The following FHIT variants were observed in gnomAD, a reference collection of about 807,000 sequenced individuals.
FHIT encodes bis(5'-adenosyl)-triphosphatase.
In FHIT, 19 loss-of-function variants were observed where a neutral mutation model predicts 17.9. The ratio of observed to expected loss-of-function variants is 1.06; its 90% confidence interval spans 0.74 to 1.56. The LOEUF (loss-of-function observed/expected upper bound fraction) is 1.56. Among genes scored for constraint, FHIT ranks in the 40% most tolerant of loss-of-function variants. The pLI is 0.00. For missense variants in FHIT, 248 were observed against 189.2 expected (o/e 1.31, Z -1.82); for synonymous variants, 81 against 69.7 (o/e 1.16, Z -0.81).
chr3:60,943,108 A>C (rs1553774940), intron 3 of FHIT, among the ~76,000 whole-genome samples: 1 of 152,086 alleles, frequency 6.6e-6, no homozygotes, highest in East Asian at 1.9e-4. Context: ...ATATATGTCT[A>C]TTTGTCCAAG....
intron 5 of FHIT, among the ~76,000 whole-genome samples, chr3:60,285,792 G>A (rs184998994): frequency 5.3e-5 from 8 of 152,252 alleles, no homozygotes; most frequent in East Asian, 3.9e-4. Flanking sequence ...ACACACAGTC[G>A]ATGTACATAG....
chr3:59,866,509 C>T (rs1702657040), intron 8 of FHIT, among the ~76,000 whole-genome samples: 1 of 152,094 alleles, frequency 6.6e-6, no homozygotes, highest in African/African-American at 2.4e-5. Flanking sequence ...GGAGTTCTTC[C>T]ACACAGAGAG....
intron 5 of FHIT, among the ~76,000 whole-genome samples, chr3:60,182,074 C>G (rs753545116): frequency 6.6e-6 from 1 of 152,108 alleles, no homozygotes; most frequent in African/African-American, 2.4e-5. Context: ...GTTTTCAGAA[C>G]GATATGAGAT....
rs116829443 is a variant in FHIT at position 59,946,928 on chromosome 3, G to A, written c.280-24514C>T. 5.0e-3 allele frequency among the ~76,000 whole-genome samples: 764 copies of A among 152,218 alleles called. 6 individuals carry two copies. Among genetic ancestry groups the A allele is most frequent in the African/African-American group, 0.017 (723 of 41,540 alleles). ...ATTCAGTTTGCTAGTATTTGGTTGC[G>A]GATTTTTATATCTATGTTCATCAAA... On this transcript the variant is annotated intron_variant, in intron 7 of 9. Transcript: ENST00000492590.
intron 3 of FHIT, among the ~76,000 whole-genome samples, chr3:60,858,232 C>T (rs1282046584): frequency 6.6e-6 from 1 of 152,006 alleles, no homozygotes; most frequent in Non-Finnish European, 1.5e-5. Context: ...CAGTATTCCA[C>T]AGAGAAGGAG....
chr3:60,789,205 G>GGA (rs1233237532), intron 4 of FHIT, among the ~76,000 whole-genome samples: 1 of 149,340 alleles, frequency 6.7e-6, no homozygotes, highest in African/African-American at 2.5e-5. Context: ...GAGAGACAGA[G>GGA]GAGAGAGAGA....
intron 5 of FHIT, among the ~76,000 whole-genome samples, chr3:60,514,529 C>A (rs12630462): frequency 2.6e-5 from 4 of 152,192 alleles, no homozygotes; most frequent in Non-Finnish European, 5.9e-5. Context: ...GGTTAAATAG[C>A]TAATGCATGC....
intron 5 of FHIT, among the ~76,000 whole-genome samples, chr3:60,365,442 A>G (rs2107024674): frequency 6.6e-6 from 1 of 152,224 alleles, no homozygotes; most frequent in East Asian, 1.9e-4. Flanking sequence ...CACGTTTTAA[A>G]ATAGATCTTA....
At position 60,864,395 on chromosome 3, in the gene FHIT, C is replaced by T. The variant is rs1324987012; in HGVS notation, c.-110-42384G>A. Reference sequence around the variant, plus strand: ...TGGAATTTTAACACAGGAGGTCCAACTTTAGAGCCCATGGTTTTAAACACT... The same window carrying T: ...TGGAATTTTAACACAGGAGGTCCAATTTTAGAGCCCATGGTTTTAAACACT... On this transcript the variant is annotated intron_variant, in intron 3 of 9. Coordinates refer to ENST00000492590, the MANE Select transcript of FHIT (RefSeq NM_002012.4). 3.3e-5 allele frequency among the ~76,000 whole-genome samples: 5 copies of T among 152,242 alleles called. No individual in the cohort carries two copies. In the East Asian group the frequency reaches 9.7e-4, roughly 29 times the overall value.
chr3:60,164,361 T>C (rs115439661), intron 5 of FHIT, among the ~76,000 whole-genome samples: 1,563 of 152,302 alleles, frequency 0.01, 9 homozygotes, highest in Non-Finnish European at 0.017. Context: ...CTTTCAAGTA[T>C]TGCCATGCAG....
chr3:60,914,380 C>T (rs1388021996), intron 3 of FHIT, among the ~76,000 whole-genome samples: 3 of 151,850 alleles, frequency 2.0e-5, no homozygotes, highest in African/African-American at 7.3e-5. Flanking sequence ...GGCCATGAAC[C>T]ATTTATTTAA....
intron 3 of FHIT, among the ~76,000 whole-genome samples, chr3:60,851,959 T>G (rs1442893804): frequency 6.6e-6 from 1 of 152,158 alleles, no homozygotes; most frequent in Non-Finnish European, 1.5e-5. Context: ...ATTTTATGTA[T>G]CAACTTGACT....
intron 2 of FHIT, among the ~76,000 whole-genome samples, chr3:61,050,561 G>A (rs1267634485): frequency 1.3e-5 from 2 of 152,164 alleles, no homozygotes; most frequent in Non-Finnish European, 2.9e-5. Flanking sequence ...GCCCTTATCA[G>A]TTAGAGATAT....
At chr3:60,156,363 A>T (rs1284654999) in intron 5 of FHIT, among the ~76,000 whole-genome samples, 1 of 150,828 alleles carries the variant, frequency 6.6e-6, no homozygotes, top group African/African-American at 2.5e-5. Context: ...AAAAAAAAAA[A>T]ATTAGATATT....
chr3:61,204,457 A>T (rs1384615452), intron 1 of FHIT, among the ~76,000 whole-genome samples: 5 of 152,220 alleles, frequency 3.3e-5, no homozygotes, highest in Non-Finnish European at 1.5e-5. Context: ...GAAATTTCCA[A>T]ATCAATAGAG....
chr3:60,861,002 CAT>C (rs1491149344), intron 3 of FHIT, among the ~76,000 whole-genome samples: 7 of 80,338 alleles, frequency 8.7e-5, no homozygotes, highest in Middle Eastern at 0.018. Context: ...CGTATATATC[CAT>C]ATATATGATA....
intron 4 of FHIT, among the ~76,000 whole-genome samples, chr3:60,741,968 G>T (rs1272842224): frequency 1.3e-5 from 2 of 152,158 alleles, no homozygotes; most frequent in African/African-American, 4.8e-5. Context: ...AGGTCAGAAG[G>T]TTGCAACTCA....
intron 8 of FHIT, among the ~76,000 whole-genome samples, chr3:59,763,035 CT>C (rs1331567942): frequency 6.6e-6 from 1 of 152,144 alleles, no homozygotes; most frequent in Non-Finnish European, 1.5e-5. Flanking sequence ...TTCTGTAAGC[CT>C]TTTTCCCCCC....
At chr3:60,641,251 C>G (rs1385497191) in intron 4 of FHIT, among the ~76,000 whole-genome samples, 1 of 152,072 alleles carries the variant, frequency 6.6e-6, no homozygotes, top group Non-Finnish European at 1.5e-5. Flanking sequence ...AGTTGGATGA[C>G]AGATGCATGA....
Sources: allele counts gnomAD v4.1 joint callset (sites outside exome capture counted in the v4.1 genomes callset), GRCh38; gene constraint gnomAD v4.1.1; transcripts MANE v1.5; gene names NCBI Gene and HGNC (gene_info 2026-07-23, HGNC 2026-07-21).